DOCK5: variants seen among roughly 807,000 people sequenced by gnomAD.
The protein encoded by DOCK5 is dedicator of cytokinesis protein 5.
In DOCK5, 142 loss-of-function variants were observed where a neutral mutation model predicts 251.8. The ratio of observed to expected loss-of-function variants is 0.56; its 90% CI spans 0.49 to 0.65. The LOEUF (loss-of-function observed/expected upper bound fraction) is 0.65. DOCK5 is among the 30% of genes least tolerant of loss of function. DOCK5 has a pLI of 0.00. For synonymous variants in DOCK5, 842 were observed against 835.5 expected (o/e 1.01, Z -0.13); for missense variants, 2,111 against 2,312.3 (o/e 0.91, Z 1.79).
chr8:25,283,890 C>G (rs912134903), intron 5 of DOCK5, among the ~76,000 whole-genome samples: 1 of 152,132 alleles, frequency 6.6e-6, no homozygotes, highest in African/African-American at 2.4e-5. Flanking sequence ...TCAGTTGGAA[C>G]TAGTCACTGG....
At chr8:25,202,210 G>C (rs1801898119) in intron 1 of DOCK5, among the ~76,000 whole-genome samples, 1 of 152,046 alleles carries the variant, frequency 6.6e-6, no homozygotes, top group Non-Finnish European at 1.5e-5. Context: ...AAGAGATAGG[G>C]TTTTGCCATG....
chr8:25,227,317 A>C (rs998417772), intron 1 of DOCK5, among the ~76,000 whole-genome samples: 2 of 151,976 alleles, frequency 1.3e-5, no homozygotes, highest in Non-Finnish European at 2.9e-5. Flanking sequence ...AGCTTTTATA[A>C]ATTTATTACT....
intron 18 of DOCK5, 141 bp downstream of exon 18, chr8:25,325,688 T>C (rs1805547804): frequency 1.0e-6 from 1 of 977,572 alleles, no homozygotes; most frequent in South Asian, 2.0e-5. Flanking sequence ...GCTCTCTGCT[T>C]TTCAAGTGGT....
intron 2 of DOCK5, among the ~76,000 whole-genome samples, chr8:25,253,373 CA>C (rs34090498): frequency 0.17 from 26,299 of 152,082 alleles, 2,546 homozygotes; most frequent in Admixed American, 0.25. Context: ...TTTTGGACCG[CA>C]ACAGATCTTG....
At chr8:25,355,541 C>T (rs1285104189) in intron 27 of DOCK5, among the ~76,000 whole-genome samples, 1 of 152,152 alleles carries the variant, frequency 6.6e-6, no homozygotes, top group Non-Finnish European at 1.5e-5. Context: ...CCTCCACCTC[C>T]CAGGTTCAAG....
At chr8:25,320,371 G>A (rs891056058) in intron 15 of DOCK5, among the ~76,000 whole-genome samples, 4 of 152,148 alleles carry the variant, frequency 2.6e-5, no homozygotes, top group African/African-American at 7.2e-5. Context: ...TTTGAATGAT[G>A]CTGTTGATAC....
chr8:25,359,815 A>G (rs1800644849), intron 28 of DOCK5, among the ~76,000 whole-genome samples: 1 of 152,236 alleles, frequency 6.6e-6, no homozygotes, highest in South Asian at 2.1e-4. Context: ...AATATTTGTA[A>G]GTTATCTTCA....
At chr8:25,352,477 A>T (rs923745276) in intron 27 of DOCK5, among the ~76,000 whole-genome samples, 8 of 152,122 alleles carry the variant, frequency 5.3e-5, no homozygotes, top group African/African-American at 1.9e-4. Flanking sequence ...CCGGGTAACA[A>T]CTATGATAGA....
chr8:25,312,367 C>A (rs1222715155), intron 13 of DOCK5, among the ~76,000 whole-genome samples: 1 of 152,074 alleles, frequency 6.6e-6, no homozygotes, highest in East Asian at 1.9e-4. Context: ...GGTGAGTTTA[C>A]CTTTTAAATC....
chr8:25,327,832 T>C (rs1046609410), intron 18 of DOCK5, among the ~76,000 whole-genome samples: 4 of 152,136 alleles, frequency 2.6e-5, no homozygotes, highest in Admixed American at 2.6e-4. Context: ...CTCGTGTCTA[T>C]AGTTAATAGT....
At chr8:25,191,267 C>G (rs1801575979) in intron 1 of DOCK5, among the ~76,000 whole-genome samples, 1 of 152,094 alleles carries the variant, frequency 6.6e-6, no homozygotes, top group Non-Finnish European at 1.5e-5. Flanking sequence ...TTTCCAGAGG[C>G]TTTGCAAAGT....
chr8:25,366,994 A>T, intron 31 of DOCK5, 24 bp downstream of exon 31: 1 of 1,589,540 alleles, frequency 6.3e-7, no homozygotes, highest in Non-Finnish European at 8.6e-7. Flanking sequence ...TAAAGTTAAG[A>T]TCGGGAAGGG....
At chr8:25,300,360 G>A (rs569090190) in intron 8 of DOCK5, among the ~76,000 whole-genome samples, 49 of 152,306 alleles carry the variant, frequency 3.2e-4, no homozygotes, top group African/African-American at 1.1e-3. Flanking sequence ...ATGTCTTGCG[G>A]AGCCACAGCA....
At chr8:25,310,385 T>C (rs769408891) in intron 12 of DOCK5, 22 bp from the exon 13 acceptor site, 1 of 1,591,662 alleles carries the variant, frequency 6.3e-7, no homozygotes, top group Non-Finnish European at 8.5e-7. Flanking sequence ...GAACTAAACG[T>C]TTATCTTTTA....
intron 2 of DOCK5, among the ~76,000 whole-genome samples, chr8:25,260,360 G>A (rs866946286): frequency 2.0e-5 from 2 of 102,318 alleles, no homozygotes; most frequent in South Asian, 3.3e-4. Context: ...GCCCACCCCC[G>A]CCCAGTCCCC....
At chr8:25,268,953 G>A (rs1803835632) in intron 3 of DOCK5, 68 bp downstream of exon 3, 1 of 1,351,374 alleles carries the variant, frequency 7.4e-7, no homozygotes, top group Non-Finnish European at 1.0e-6. Flanking sequence ...TGTGCTATGT[G>A]ACCCTCTCCT....
intron 1 of DOCK5, among the ~76,000 whole-genome samples, chr8:25,225,722 G>C (rs1044408306): frequency 2.7e-5 from 4 of 148,794 alleles, no homozygotes; most frequent in African/African-American, 9.9e-5. Flanking sequence ...AAAAAAAAAA[G>C]GAAATTCTGA....
intron 43 of DOCK5, among the ~76,000 whole-genome samples, chr8:25,392,303 CAAA>C (rs11309985): frequency 0.01 from 1,214 of 116,310 alleles, 21 homozygotes; most frequent in African/African-American, 0.037. Context: ...GACTTCGTCT[CAAA>C]AAAAAAAAAA....
Position 25,271,024 on chromosome 8 carries a change from T to G in DOCK5, c.168+2139T>G, listed in dbSNP as rs564132058. 409 of 444,134 alleles carry G rather than the reference T, an allele frequency of 9.2e-4. 2 individuals are homozygous for G. The South Asian group carries it at 0.023, about 25-fold the overall frequency. The allele number at this position is 444,134 out of a possible 1,614,324, so 27.5% of individuals were successfully genotyped here. A position where few individuals can be genotyped will look rare whatever the true frequency, so the allele number is the denominator to read the frequency against. On this transcript the variant is annotated intron_variant, in intron 3 of 51. Coordinates refer to ENST00000276440, the MANE Select transcript of DOCK5 (RefSeq NM_024940.8). ...CCTCTGCTTACTTTTTTTTTCTATA[T>G]TTTTAATCATCAGTTGGTTGAACCC...
Sources: allele counts gnomAD v4.1 joint callset (sites outside exome capture counted in the v4.1 genomes callset), GRCh38; gene constraint gnomAD v4.1.1; transcripts MANE v1.5; gene names NCBI Gene and HGNC (gene_info 2026-07-23, HGNC 2026-07-21).